HECW1: variants seen among roughly 807,000 people sequenced by gnomAD.
HECW1 encodes HECT, C2 and WW domain containing E3 ubiquitin protein ligase 1.
A neutral mutation model predicts 182.3 loss-of-function variants in HECW1; 61 were observed. That is an observed-to-expected ratio of 0.33 (90% CI 0.27 to 0.41). The LOEUF (loss-of-function observed/expected upper bound fraction) is 0.41, where lower values mean the gene tolerates loss of function less well. HECW1 is among the 10% of genes least tolerant of loss of function. HECW1 has a pLI of 1.00. For missense variants in HECW1, 1,739 were observed against 2,108.9 expected (o/e 0.82, Z 3.44); for synonymous variants, 859 against 832.6 (o/e 1.03, Z -0.55).
chr7:43,262,502 C>A (rs1175244834), intron 3 of HECW1, among the ~76,000 whole-genome samples: 1 of 152,046 alleles, frequency 6.6e-6, no homozygotes, highest in Non-Finnish European at 1.5e-5. Flanking sequence ...GAGATTCAGA[C>A]CCAGTCTTCA....
intron 21 of HECW1, among the ~76,000 whole-genome samples, chr7:43,504,106 A>G (rs945976378): frequency 1.3e-5 from 2 of 152,098 alleles, no homozygotes; most frequent in Non-Finnish European, 2.9e-5. Flanking sequence ...CTCATTCTCA[A>G]GGCCTGTGGC....
chr7:43,115,487 C>G (rs923218437), intron 2 of HECW1, among the ~76,000 whole-genome samples: 2 of 152,236 alleles, frequency 1.3e-5, no homozygotes, highest in South Asian at 2.1e-4. Flanking sequence ...ATGAGACACT[C>G]TAGATAGCTG....
intron 24 of HECW1, among the ~76,000 whole-genome samples, chr7:43,520,242 G>C (rs989047398): frequency 1.3e-5 from 2 of 151,846 alleles, no homozygotes; most frequent in African/African-American, 4.8e-5. Context: ...CCCTACCCTG[G>C]GTCTCTTCCC....
Position 43,235,692 on chromosome 7 carries a change from C to T in HECW1, c.-31-8183C>T, listed in dbSNP as rs74330012. Among the ~76,000 whole-genome samples the T allele has an allele frequency of 2.6e-5, 4 of 152,226 alleles. No homozygotes were observed. The East Asian group carries it at 5.8e-4, about 22-fold the overall frequency. The stretch of plus-strand genomic sequence containing the variant: ...TTAATTTAATCCCACTAACAAGATA[C>T]GTGAATCTTTATGTTCTGGAGGATG... On this transcript the variant is annotated intron_variant, in intron 2 of 29. Transcript: ENST00000395891.
chr7:43,540,026 C>G (rs1469690397), intron 24 of HECW1, among the ~76,000 whole-genome samples: 1 of 152,150 alleles, frequency 6.6e-6, no homozygotes, highest in Non-Finnish European at 1.5e-5. Flanking sequence ...TGACTCTAGT[C>G]TCTTCAGAGT....
intron 5 of HECW1, among the ~76,000 whole-genome samples, chr7:43,326,986 C>A (rs756003640): frequency 3.3e-5 from 5 of 152,238 alleles, no homozygotes; most frequent in African/African-American, 9.6e-5. Flanking sequence ...GTTGTTAGAG[C>A]CTTTTATTTC....
rs6946828 is a variant in HECW1, at chr7:43,254,845, G to C, written c.27+10913G>C. Among the ~76,000 whole-genome samples, 287 of 152,244 alleles carry C rather than the reference G, an allele frequency of 1.9e-3. 3 individuals are homozygous for C. Among genetic ancestry groups the C allele is most frequent in the African/African-American group, 6.5e-3 (271 of 41,532 alleles). On this transcript the variant is annotated intron_variant, in intron 3 of 29. Coordinates refer to ENST00000395891, the MANE Select transcript of HECW1 (RefSeq NM_015052.5). Reference sequence around the variant, plus strand: ...TATCTATCTAAACTTGTCTTTGCTAGAGTCATTTATACACCCTAACCTTCT... The same window carrying C: ...TATCTATCTAAACTTGTCTTTGCTACAGTCATTTATACACCCTAACCTTCT...
chr7:43,518,419 C>T (rs2080269632), intron 24 of HECW1, among the ~76,000 whole-genome samples: 2 of 151,878 alleles, frequency 1.3e-5, no homozygotes. Flanking sequence ...TTGCTTGAAC[C>T]CAGGTAGCAA....
chr7:43,373,435 G>T (rs1490272794), intron 6 of HECW1, among the ~76,000 whole-genome samples: 3 of 152,010 alleles, frequency 2.0e-5, no homozygotes, highest in African/African-American at 7.2e-5. Flanking sequence ...TGGGATTACA[G>T]GCATGAGCCA....
intron 2 of HECW1, among the ~76,000 whole-genome samples, chr7:43,201,609 G>A (rs778501820): frequency 4.6e-5 from 7 of 152,154 alleles, no homozygotes; most frequent in East Asian, 1.9e-4. Flanking sequence ...AAGTGGTAAA[G>A]CTGACATTTT....
rs1282452785 is a variant in HECW1 at position 43,298,257 on chromosome 7, C to A, written c.28-13506C>A. 2.6e-5 allele frequency among the ~76,000 whole-genome samples: 4 copies of A among 152,286 alleles called. 1 individual carries two copies. The highest frequency in any genetic ancestry group is 4.1e-4 in the South Asian group (2 of 4,820). On this transcript the variant is annotated intron_variant, in intron 3 of 29. Transcript: ENST00000395891. ...TTTTGGCAATTAGGTATGGAAAACTCCATAGAATATTTGGAGTTATTAAAT... is the reference window on the plus strand; with the variant it reads ...TTTTGGCAATTAGGTATGGAAAACTACATAGAATATTTGGAGTTATTAAAT...
chr7:43,179,384 G>T (rs751937543), intron 2 of HECW1, among the ~76,000 whole-genome samples: 2 of 152,330 alleles, frequency 1.3e-5, no homozygotes, highest in South Asian at 2.1e-4. Context: ...GGCAACCTTT[G>T]CTTGAATTAT....
intron 3 of HECW1, among the ~76,000 whole-genome samples, chr7:43,284,998 A>ATTTTTTT (rs55642652): frequency 2.2e-3 from 313 of 145,418 alleles, no homozygotes; most frequent in Middle Eastern, 0.011. Flanking sequence ...TTCTGTATGG[A>ATTTTTTT]TTTTTTTTTT....
At chr7:43,385,573 G>A (rs1356437977) in intron 6 of HECW1, among the ~76,000 whole-genome samples, 2 of 151,840 alleles carry the variant, frequency 1.3e-5, no homozygotes, top group Non-Finnish European at 2.9e-5. Context: ...AGAGAGCTGG[G>A]GTAAGGGGCT....
intron 8 of HECW1, among the ~76,000 whole-genome samples, chr7:43,435,886 C>T (rs551223649): frequency 4.5e-4 from 68 of 152,200 alleles, no homozygotes; most frequent in African/African-American, 1.6e-3. Flanking sequence ...ATTGCTAGGC[C>T]GGGCGTGGTG....
intron 3 of HECW1, among the ~76,000 whole-genome samples, chr7:43,290,616 G>T (rs1309297548): frequency 6.6e-6 from 1 of 152,188 alleles, no homozygotes; most frequent in Non-Finnish European, 1.5e-5. Context: ...GGCCAAGAGG[G>T]GGTCCATCCC....
At chr7:43,401,473 A>T (rs1215719586) in intron 7 of HECW1, among the ~76,000 whole-genome samples, 2 of 152,012 alleles carry the variant, frequency 1.3e-5, no homozygotes, top group Non-Finnish European at 2.9e-5. Flanking sequence ...GCTGAAGATA[A>T]TTTTGAGTAT....
At chr7:43,164,448 G>A (rs1192019532) in intron 2 of HECW1, among the ~76,000 whole-genome samples, 2 of 152,204 alleles carry the variant, frequency 1.3e-5, no homozygotes, top group Non-Finnish European at 2.9e-5. Flanking sequence ...GGGAAATCAA[G>A]AAGGCACCAG....
At chr7:43,134,765 A>G (rs914361466) in intron 2 of HECW1, among the ~76,000 whole-genome samples, 2 of 152,082 alleles carry the variant, frequency 1.3e-5, no homozygotes, top group South Asian at 2.1e-4. Flanking sequence ...GTCTGCGACT[A>G]TCATTTTTGT....
Sources: gnomAD v4.1 joint callset for allele counts (sites outside exome capture counted in the v4.1 genomes callset) on GRCh38, gnomAD v4.1.1 for gene constraint, MANE v1.5 for transcripts, NCBI Gene and HGNC (gene_info 2026-07-23, HGNC 2026-07-21) for gene names.